TLN2: variants seen among roughly 807,000 people sequenced by gnomAD.
TLN2 encodes talin 2, also known as talin-2.
In TLN2, 118 loss-of-function variants were observed where a neutral mutation model predicts 294.7. That is an observed-to-expected ratio of 0.40 (90% CI 0.34 to 0.47). The LOEUF (loss-of-function observed/expected upper bound fraction) is 0.47, where lower values mean the gene tolerates loss of function less well. Ranked by LOEUF, TLN2 falls within the 20% of genes least tolerant of loss-of-function variation. TLN2 has a pLI of 0.84. For synonymous variants in TLN2, 1,431 were observed against 1,304.5 expected (o/e 1.10, Z -2.09); for missense variants, 3,083 against 3,282.2 (o/e 0.94, Z 1.48).
chr15:62,708,737 A>C lies in TLN2; in HGVS notation c.2408A>C (p.Gln803Pro). ...GGCGAGCCCATCGGCCGCTACGACC[A>C]GGCTACTGACACCATCATGTGTGTC... ...SRGEPIGRYD[Q>P]ATDTIMCVTE... Residue 803 changes from glutamine to proline, a missense_variant, in exon 21 of 59, where the codon CAG (glutamine) becomes CCG (proline). By Grantham distance (76) the Gln-to-Pro change is moderately conservative (BLOSUM62 -1). Transcript: ENST00000636159. 1 of 1,611,430 alleles carries C rather than the reference A, an allele frequency of 6.2e-7. No individual in the cohort carries two copies. Among genetic ancestry groups the C allele is most frequent in the Non-Finnish European group, 8.5e-7 (1 of 1,180,022 alleles).
intron 42 of TLN2, among the ~76,000 whole-genome samples, chr15:62,776,506 A>G (rs562118192): frequency 8.5e-5 from 13 of 152,310 alleles, no homozygotes; most frequent in African/African-American, 2.9e-4. Context: ...AACATATAAA[A>G]TTGGTCATGT....
chr15:62,428,842 T>C (rs536806913), intron 1 of TLN2, among the ~76,000 whole-genome samples: 29 of 152,218 alleles, frequency 1.9e-4, no homozygotes, highest in Admixed American at 4.6e-4. Context: ...TGTTATAATG[T>C]GTGCTTATTA....
At chr15:62,696,254 C>T (rs987114459) in intron 14 of TLN2, among the ~76,000 whole-genome samples, 11 of 152,192 alleles carry the variant, frequency 7.2e-5, no homozygotes, top group African/African-American at 2.7e-4. Context: ...CATGCAGCTG[C>T]ACCTCCACCT....
At position 62,404,984 on chromosome 15, in the gene TLN2, C is replaced by T. The variant is rs118112748; in HGVS notation, c.-238+14299C>T. Among the ~76,000 whole-genome samples the T allele has an allele frequency of 1.3e-3, 193 of 152,146 alleles. 2 individuals are homozygous for T. Among genetic ancestry groups the T allele is most frequent in the Non-Finnish European group, 2.1e-3 (140 of 68,012 alleles). The stretch of plus-strand genomic sequence containing the variant: ...GTCTGTGTGGGAAAACTCAGTGACT[C>T]GAGGGAAGTTTACTTTTATTGTCAG... On this transcript the variant is annotated intron_variant, in intron 1 of 58. Transcript: ENST00000636159.
chr15:62,593,949 T>G (rs1385008701), intron 2 of TLN2, among the ~76,000 whole-genome samples: 2 of 152,218 alleles, frequency 1.3e-5, no homozygotes, highest in African/African-American at 2.4e-5. Context: ...TTAAAAAATT[T>G]AATCAAAATA....
intron 45 of TLN2, among the ~76,000 whole-genome samples, chr15:62,788,543 TAAC>T (rs1255466454): frequency 6.6e-6 from 1 of 152,172 alleles, no homozygotes; most frequent in Non-Finnish European, 1.5e-5. Context: ...TGCAGTGAGA[TAAC>T]AATCTTTTTT....
intron 47 of TLN2, 61 bp from the exon 48 acceptor site, chr15:62,797,158 G>A (rs544360261): frequency 1.2e-5 from 19 of 1,582,524 alleles, no homozygotes; most frequent in Non-Finnish European, 1.6e-5. Context: ...TTTTCTTCTT[G>A]AAGTAATCAA....
chr15:62,796,521 G>A (rs1433635432), intron 47 of TLN2, among the ~76,000 whole-genome samples: 1 of 152,162 alleles, frequency 6.6e-6, no homozygotes, highest in African/African-American at 2.4e-5. Flanking sequence ...AATCCAGCCT[G>A]CTACAGCAAA....
In TLN2 at chr15:62,799,731, C is replaced by T. The variant is rs536177637; in HGVS notation, c.6235-637C>T. 1.6e-4 allele frequency among the ~76,000 whole-genome samples: 24 copies of T among 152,316 alleles called. 1 individual carries two copies. The highest frequency in any genetic ancestry group is 4.8e-4 in the African/African-American group (20 of 41,570). ...CTACTGATAAGTGCTGTAAATAAAA[C>T]GGCAACCTGACAGTTTCAGCAATTG... On this transcript the variant is annotated intron_variant, in intron 48 of 58. Coordinates refer to ENST00000636159, the MANE Select transcript of TLN2 (RefSeq NM_015059.3).
At chr15:62,399,285 A>AAAAAAAG (rs60728667) in intron 1 of TLN2, among the ~76,000 whole-genome samples, 1 of 147,212 alleles carries the variant, frequency 6.8e-6, no homozygotes, top group Non-Finnish European at 1.5e-5. Context: ...AAAAAAAAAA[A>AAAAAAAG]GTAAGAAATG....
intron 22 of TLN2, among the ~76,000 whole-genome samples, chr15:62,712,838 G>GT (rs1276244036): frequency 6.6e-6 from 1 of 152,006 alleles, no homozygotes; most frequent in Admixed American, 6.5e-5. Context: ...ATTTTTCTGG[G>GT]TTTTTTATTG....
At position 62,414,887 on chromosome 15, in the gene TLN2, T is replaced by G. The variant is rs1000169584; in HGVS notation, c.-238+24202T>G. ...ATAAAAGAATTTTTCCTGTCAAGCATGCCTTTTAAAATTTTTATTATTTAT... is the reference window on the plus strand; with the variant it reads ...ATAAAAGAATTTTTCCTGTCAAGCAGGCCTTTTAAAATTTTTATTATTTAT... On this transcript the variant is annotated intron_variant, in intron 1 of 58. Transcript: ENST00000636159. 2.1e-5 allele frequency among the ~76,000 whole-genome samples: 3 copies of G among 140,780 alleles called. 1 individual carries two copies. The South Asian group carries it at 8.1e-4, about 38-fold the overall frequency. 92.4% of individuals were successfully genotyped at this position (140,780 alleles called of 152,430 possible).
intron 3 of TLN2, among the ~76,000 whole-genome samples, chr15:62,641,270 G>C (rs766740974): frequency 6.6e-6 from 1 of 152,144 alleles, no homozygotes; most frequent in Admixed American, 6.5e-5. Context: ...GCCGACTCAA[G>C]TATGCTGCTT....
intron 32 of TLN2, among the ~76,000 whole-genome samples, chr15:62,744,573 A>AT (rs1450376760): frequency 1.3e-5 from 2 of 151,222 alleles, no homozygotes; most frequent in Non-Finnish European, 2.9e-5. Context: ...TTGAGATGGA[A>AT]TTTCGCTCCG....
Position 62,463,855 on chromosome 15 carries a change from C to G in TLN2, c.-238+73170C>G, listed in dbSNP as rs143150002. On this transcript the variant is annotated intron_variant, in intron 1 of 58. Coordinates refer to ENST00000636159, the MANE Select transcript of TLN2 (RefSeq NM_015059.3). The stretch of plus-strand genomic sequence containing the variant: ...TGAGCTGAGATCGCGCCACTGCACT[C>G]CAGCCTGGGCAACAGAGCGAGACTC... Among the ~76,000 whole-genome samples, 393 of 152,286 alleles carry G rather than the reference C, an allele frequency of 2.6e-3. 5 individuals carry two copies. The highest frequency in any genetic ancestry group is 9.0e-3 in the African/African-American group (375 of 41,558).
At chr15:62,807,740 G>T (rs577155141) in intron 51 of TLN2, among the ~76,000 whole-genome samples, 5 of 152,120 alleles carry the variant, frequency 3.3e-5, no homozygotes, top group Non-Finnish European at 7.4e-5. Context: ...CCTGGGATGC[G>T]TTATCTGGGC....
At chr15:62,825,882 A>ATATAT (rs1428514657) in intron 54 of TLN2, among the ~76,000 whole-genome samples, 2 of 111,976 alleles carry the variant, frequency 1.8e-5, no homozygotes, top group African/African-American at 7.8e-5. Flanking sequence ...ATATATATAT[A>ATATAT]ATAAGTCAGG....
At chr15:62,776,290 C>A (rs2063716281) in intron 42 of TLN2, among the ~76,000 whole-genome samples, 1 of 152,196 alleles carries the variant, frequency 6.6e-6, no homozygotes, top group Admixed American at 6.5e-5. Flanking sequence ...GCCTATTAGG[C>A]ACTCTACAAA....
At chr15:62,458,042 G>T (rs1023509744) in intron 1 of TLN2, among the ~76,000 whole-genome samples, 2 of 152,224 alleles carry the variant, frequency 1.3e-5, no homozygotes, top group Middle Eastern at 3.2e-3. Context: ...CTGGTCAATG[G>T]TCCCTCATCC....
Sources: gnomAD v4.1 joint callset for allele counts (sites outside exome capture counted in the v4.1 genomes callset) on GRCh38, gnomAD v4.1.1 for gene constraint, MANE v1.5 for transcripts, NCBI Gene and HGNC (gene_info 2026-07-23, HGNC 2026-07-21) for gene names.